Variants in CHD9 observed in about 807,000 individuals in gnomAD.
CHD9 encodes the protein chromodomain helicase DNA binding protein 9, also known as ATP-dependent chromatin remodeler CHD9.
In CHD9, 77 loss-of-function variants were observed where a neutral mutation model predicts 316.1. That is an observed-to-expected ratio of 0.24 (90% CI 0.20 to 0.29). The LOEUF is 0.29. Ranked by LOEUF, CHD9 falls within the 10% of genes least tolerant of loss-of-function variation. CHD9 has a pLI of 1.00. For synonymous variants in CHD9, 1,129 were observed against 1,158.3 expected (o/e 0.97, Z 0.51); for missense variants, 2,763 against 3,438.1 (o/e 0.80, Z 4.91).
chr16:53,275,158 AGT>A (rs2052687346), intron 24 of CHD9, among the ~76,000 whole-genome samples: 2 of 152,068 alleles, frequency 1.3e-5, no homozygotes, highest in African/African-American at 4.8e-5. Context: ...CAGCTCCCTG[AGT>A]AGCTGGGATT....
intron 1 of CHD9, among the ~76,000 whole-genome samples, chr16:53,064,260 C>T (rs1280214342): frequency 6.6e-6 from 1 of 152,238 alleles, no homozygotes. Context: ...CTAGATTAAA[C>T]ATTGCCAGTT....
intron 2 of CHD9, among the ~76,000 whole-genome samples, chr16:53,183,365 T>C (rs1435281915): frequency 2.0e-5 from 3 of 152,218 alleles, no homozygotes; most frequent in East Asian, 3.8e-4. Context: ...AGTATATGTT[T>C]CTGTAATTTC....
At chr16:53,108,546 AG>A (rs2037556383) in intron 1 of CHD9, among the ~76,000 whole-genome samples, 1 of 148,926 alleles carries the variant, frequency 6.7e-6, no homozygotes, top group Non-Finnish European at 1.5e-5. Context: ...ATAGATAGAT[AG>A]ATAGATAGAT....
chr16:53,101,301 G>T (rs55900367), intron 1 of CHD9, among the ~76,000 whole-genome samples: 2 of 146,466 alleles, frequency 1.4e-5, no homozygotes, highest in African/African-American at 2.5e-5. Context: ...TTGAGACAGG[G>T]TCTCACTCTT....
intron 10 of CHD9, among the ~76,000 whole-genome samples, chr16:53,234,511 A>G (rs62049768): frequency 0.24 from 36,427 of 152,070 alleles, 4,709 homozygotes; most frequent in Middle Eastern, 0.32. Context: ...CTTCTATTCA[A>G]AATTTGATGA....
intron 30 of CHD9, among the ~76,000 whole-genome samples, chr16:53,301,624 T>G (rs1210475825): frequency 6.6e-6 from 1 of 152,224 alleles, no homozygotes; most frequent in Non-Finnish European, 1.5e-5. Context: ...CCTTGTTTCC[T>G]GCTCCATATT....
intron 1 of CHD9, chr16:53,099,410 C>G (rs1026841586): frequency 6.6e-6 from 1 of 152,206 alleles, no homozygotes; most frequent in Admixed American, 6.6e-5. Context: ...GATGAGCGTT[C>G]GGTTAATTTG....
At chr16:53,279,379 G>A (rs890832563) in intron 24 of CHD9, among the ~76,000 whole-genome samples, 1 of 151,982 alleles carries the variant, frequency 6.6e-6, no homozygotes, top group Admixed American at 6.6e-5. Context: ...GGGTAAGGGG[G>A]AGGGATAGCA....
intron 2 of CHD9, among the ~76,000 whole-genome samples, chr16:53,188,970 G>T (rs1023344939): frequency 6.6e-6 from 1 of 151,630 alleles, no homozygotes; most frequent in Admixed American, 6.6e-5. Context: ...TGATTTGTAG[G>T]AGTTATTTAT....
At chr16:53,124,985 A>ATTGTGGTTTTGAT (rs1443047505) in intron 1 of CHD9, among the ~76,000 whole-genome samples, 1 of 152,020 alleles carries the variant, frequency 6.6e-6, no homozygotes, top group Non-Finnish European at 1.5e-5. Context: ...GTGGTATCTC[A>ATTGTGGTTTTGAT]TTGTGGTTTT....
Position 53,165,071 on chromosome 16 carries a change from G to A in CHD9, c.1452+7530G>A, listed in dbSNP as rs561574858. Among the ~76,000 whole-genome samples, 434 of 152,242 alleles carry A rather than the reference G, an allele frequency of 2.9e-3. 1 individual carries two copies. Among genetic ancestry groups the A allele is most frequent in the Non-Finnish European group, 5.1e-3 (344 of 67,996 alleles). Reference sequence around the variant, plus strand: ...GGACTTTAGAGGTCATTATTAGGCCGTGTAAGTAGAAGTCACAGAAAAGCA... The same window carrying A: ...GGACTTTAGAGGTCATTATTAGGCCATGTAAGTAGAAGTCACAGAAAAGCA... On this transcript the variant is annotated intron_variant, in intron 2 of 38. Coordinates refer to ENST00000447540, the MANE Select transcript of CHD9 (RefSeq NM_001308319.2).
At position 53,297,138 on chromosome 16, in the gene CHD9, GTCGTCTTCC is replaced by G; in HGVS notation, c.5695_5703del (p.Arg1899_Pro1901del). 1 of 1,613,448 alleles carries G rather than the reference GTCGTCTTCC, an allele frequency of 6.2e-7. No homozygotes were observed. Among genetic ancestry groups the G allele is most frequent in the Non-Finnish European group, 8.5e-7 (1 of 1,179,564 alleles). ...TTCATGTCCATGTGTCGGAGGGTTT[GTCGTCTTCC>G]TTCCAAAGAAGGTATGTATAAAATT... On this transcript the variant is annotated inframe_deletion, in exon 30 of 39. Coordinates refer to ENST00000447540, the MANE Select transcript of CHD9 (RefSeq NM_001308319.2).
intron 1 of CHD9, among the ~76,000 whole-genome samples, chr16:53,062,112 G>C (rs939607953): frequency 6.6e-6 from 1 of 152,186 alleles, no homozygotes. Flanking sequence ...GTGGGACTGG[G>C]ACTCTTGCTT....
intron 1 of CHD9, among the ~76,000 whole-genome samples, chr16:53,085,918 T>C (rs536344140): frequency 1.3e-5 from 2 of 152,294 alleles, no homozygotes; most frequent in East Asian, 3.9e-4. Context: ...ACTGTTCTCA[T>C]TGCCCTTCCT....
intron 11 of CHD9, among the ~76,000 whole-genome samples, chr16:53,237,271 CCTCTT>C (rs965962949): frequency 2.6e-5 from 4 of 152,016 alleles, no homozygotes; most frequent in Non-Finnish European, 4.4e-5. Context: ...AAAGTTCTCT[CCTCTT>C]AGTTTCTCCT....
At chr16:53,102,253 G>T (rs1256202921) in intron 1 of CHD9, among the ~76,000 whole-genome samples, 1 of 152,116 alleles carries the variant, frequency 6.6e-6, no homozygotes, top group Non-Finnish European at 1.5e-5. Flanking sequence ...CTACATTTAG[G>T]ATGTTTGATA....
At chr16:53,307,569 C>T (rs1240809532) in intron 32 of CHD9, 112 bp from the exon 33 acceptor site, 17 of 825,608 alleles carry the variant, frequency 2.1e-5, no homozygotes, top group Non-Finnish European at 3.2e-5. Flanking sequence ...GTATGCATAG[C>T]ACATACACAT....
At chr16:53,081,253 TAC>T (rs1360728768) in intron 1 of CHD9, among the ~76,000 whole-genome samples, 1 of 152,216 alleles carries the variant, frequency 6.6e-6, no homozygotes, top group African/African-American at 2.4e-5. Context: ...CTTTGGTGGA[TAC>T]AGAGTTTCTA....
intron 2 of CHD9, among the ~76,000 whole-genome samples, chr16:53,206,359 GAA>G (rs77414875): frequency 2.2e-4 from 27 of 121,914 alleles, no homozygotes; most frequent in African/African-American, 6.5e-4. Context: ...AGGGCACCGG[GAA>G]AAAAAAAAAA....
Sources: gnomAD v4.1 joint callset for allele counts (sites outside exome capture counted in the v4.1 genomes callset) on GRCh38, gnomAD v4.1.1 for gene constraint, MANE v1.5 for transcripts, NCBI Gene and HGNC (gene_info 2026-07-23, HGNC 2026-07-21) for gene names.